The following DTD1 variants were observed in gnomAD, a reference collection of about 807,000 sequenced individuals.
DTD1 encodes the protein D-aminoacyl-tRNA deacylase 1.
Under a neutral mutation model 25.6 loss-of-function variants are expected in DTD1, and 13 were observed. That is an observed-to-expected ratio of 0.51 (90% CI 0.33 to 0.81). The LOEUF (loss-of-function observed/expected upper bound fraction) is 0.81, where lower values mean the gene tolerates loss of function less well. Ranked by LOEUF, DTD1 falls within the 30% of genes least tolerant of loss-of-function variation. DTD1 has a pLI of 0.02. For synonymous variants in DTD1, 110 were observed against 103.6 expected, an observed-to-expected ratio of 1.06 and a Z score of -0.37; for missense variants, 193 against 266.4, an observed-to-expected ratio of 0.72 and a Z score of 1.92.
intron 4 of DTD1, among the ~76,000 whole-genome samples, chr20:18,708,207 T>TAAATATATATTACATATATATTATATATA (rs1371286340): frequency 1.9e-3 from 13 of 6,882 alleles, no homozygotes; most frequent in Non-Finnish European, 6.0e-3. Context: ...ATATATATAT[T>TAAATATATATTACATATATATTATATATA]TTATATATAT....
chr20:18,608,555 T>A (rs2060672345), intron 3 of DTD1, among the ~76,000 whole-genome samples: 1 of 152,250 alleles, frequency 6.6e-6, no homozygotes, highest in African/African-American at 2.4e-5. Flanking sequence ...ATTTTAGTTC[T>A]TTCTTCTTTT....
intron 4 of DTD1, among the ~76,000 whole-genome samples, chr20:18,633,673 A>G (rs150029817): frequency 0.017 from 2,569 of 152,266 alleles, 26 homozygotes; most frequent in Middle Eastern, 0.024. Flanking sequence ...CGGAGGTTTT[A>G]GCTGACCTTT....
chr20:18,622,063 CAA>C (rs11481961), intron 3 of DTD1, among the ~76,000 whole-genome samples: 46,994 of 142,518 alleles, frequency 0.33, 7,958 homozygotes, highest in South Asian at 0.44. Flanking sequence ...GACTCTGTCT[CAA>C]AAAAAAAAAA....
intron 5 of DTD1, among the ~76,000 whole-genome samples, chr20:18,758,186 C>T (rs919066685): frequency 2.6e-5 from 4 of 152,078 alleles, no homozygotes; most frequent in South Asian, 2.1e-4. Flanking sequence ...GTCTTGCTAG[C>T]GGTCTATCAA....
At chr20:18,588,996 T>C (rs922838991) in intron 1 of DTD1, 1 of 628,350 alleles carries the variant, frequency 1.6e-6, no homozygotes, top group Non-Finnish European at 2.0e-6. Flanking sequence ...ATTTCAGATA[T>C]CCTGTCCTTG....
intron 5 of DTD1, among the ~76,000 whole-genome samples, chr20:18,758,752 T>A (rs1280441404): frequency 1.3e-5 from 2 of 152,202 alleles, no homozygotes; most frequent in East Asian, 3.8e-4. Context: ...TCCTGTTGAT[T>A]TGGGGTGGAG....
intron 4 of DTD1, among the ~76,000 whole-genome samples, chr20:18,725,598 C>G (rs2061220163): frequency 6.6e-6 from 1 of 152,178 alleles, no homozygotes; most frequent in South Asian, 2.1e-4. Context: ...CGCTCTTTCT[C>G]TAAGGTGCTC....
intron 4 of DTD1, chr20:18,632,752 A>G (rs540263652): frequency 5.9e-5 from 44 of 750,850 alleles, no homozygotes; most frequent in Non-Finnish European, 7.0e-5. Context: ...TCTTTAAACT[A>G]TCTGAACAAA....
intron 4 of DTD1, among the ~76,000 whole-genome samples, chr20:18,708,203 ATATT>A (rs1418397133): frequency 0.027 from 789 of 29,498 alleles, 45 homozygotes; most frequent in East Asian, 0.17. Flanking sequence ...TATTATATAT[ATATT>A]TTATATATAT....
intron 4 of DTD1, among the ~76,000 whole-genome samples, chr20:18,725,088 G>A (rs1026643221): frequency 1.3e-5 from 2 of 151,894 alleles, no homozygotes; most frequent in Non-Finnish European, 2.9e-5. Flanking sequence ...TTCCTGCAGA[G>A]CAGGGCTACC....
At chr20:18,643,342 C>A in intron 4 of DTD1, 1 of 256,624 alleles carries the variant, frequency 3.9e-6, no homozygotes, top group Non-Finnish European at 8.2e-6. Context: ...TCTGGCTTCT[C>A]TACCAGGTTG....
At chr20:18,663,279 G>C (rs934577503) in intron 4 of DTD1, among the ~76,000 whole-genome samples, 1 of 152,012 alleles carries the variant, frequency 6.6e-6, no homozygotes, top group African/African-American at 2.4e-5. Context: ...CAGCACTTTG[G>C]GAGGCTGAGA....
intron 4 of DTD1, among the ~76,000 whole-genome samples, chr20:18,687,610 A>AATGGC (rs2061022217): frequency 6.6e-6 from 1 of 152,102 alleles, no homozygotes. Flanking sequence ...GCTGGAGTAC[A>AATGGC]ATGGCATAAG....
chr20:18,716,203 C>A (rs1358201123), intron 4 of DTD1, among the ~76,000 whole-genome samples: 2 of 152,210 alleles, frequency 1.3e-5, no homozygotes, highest in Non-Finnish European at 2.9e-5. Flanking sequence ...AATATTGGTT[C>A]AGGATCTGAA....
intron 5 of DTD1, among the ~76,000 whole-genome samples, chr20:18,754,223 G>T (rs1318560581): frequency 2.6e-5 from 4 of 152,236 alleles, no homozygotes; most frequent in Admixed American, 1.3e-4. Flanking sequence ...TACGTGGGCT[G>T]TGAAGGGTTT....
chr20:18,588,788 C>G, intron 1 of DTD1: 1 of 985,258 alleles, frequency 1.0e-6, no homozygotes, highest in Non-Finnish European at 1.2e-6. Flanking sequence ...ACCAAGCTAC[C>G]CGACCCCTGG....
intron 4 of DTD1, among the ~76,000 whole-genome samples, chr20:18,703,013 C>T (rs8120783): frequency 0.33 from 49,507 of 152,022 alleles, 8,458 homozygotes; most frequent in Non-Finnish European, 0.38. Context: ...CTCCCACCCC[C>T]GTCTTCATCT....
At chr20:18,703,712 T>C (rs1180079737) in intron 4 of DTD1, among the ~76,000 whole-genome samples, 3 of 138,956 alleles carry the variant, frequency 2.2e-5, no homozygotes, top group Middle Eastern at 6.5e-3. Flanking sequence ...TAATTTCTGC[T>C]TTTTCATAGT....
intron 4 of DTD1, among the ~76,000 whole-genome samples, chr20:18,693,282 T>G (rs1377036239): frequency 1.3e-5 from 2 of 152,208 alleles, no homozygotes; most frequent in Non-Finnish European, 2.9e-5. Context: ...GAACATTTGT[T>G]TATATGACTT....
Sources: allele counts gnomAD v4.1 joint callset (sites outside exome capture counted in the v4.1 genomes callset), GRCh38; gene constraint gnomAD v4.1.1; transcripts MANE v1.5; gene names NCBI Gene and HGNC (gene_info 2026-07-23, HGNC 2026-07-21).